Variants in EFHD1 observed in about 807,000 individuals in gnomAD.
EFHD1 encodes EF-hand domain family member D1.
EFHD1 carries 10 observed loss-of-function variants against 17.2 expected under a neutral mutation model. The observed-to-expected ratio is 0.58, with a 90% CI of 0.36 to 0.99. EFHD1 has a LOEUF of 0.99. Among genes scored for constraint, EFHD1 ranks in the 50% least tolerant of loss-of-function variants. EFHD1 has a pLI of 0.01. For missense variants in EFHD1, 310 were observed against 327.5 expected (o/e 0.95, Z 0.41); for synonymous variants, 153 against 142.0 (o/e 1.08, Z -0.55).
At position 232,681,939 on chromosome 2, in the gene EFHD1, C is replaced by A; in HGVS notation, c.*220C>A. The stretch of plus-strand genomic sequence containing the variant: ...GATGCCTGCCCACCTCTGTCTCCTG[C>A]CTCTGCTCCTCTGCCCTTCTTATAG... On this transcript the variant is annotated 3_prime_UTR_variant, in exon 4 of 4. Transcript: ENST00000264059. The A allele has an allele frequency of 1.8e-6, 1 of 546,480 alleles. No individual in the cohort carries two copies. Among genetic ancestry groups the A allele is most frequent in the Non-Finnish European group, 3.1e-6 (1 of 320,460 alleles). 33.9% of individuals were successfully genotyped at this position (546,480 alleles called of 1,614,324 possible).
chr2:232,663,904 C>T (rs1014676517), intron 2 of EFHD1, among the ~76,000 whole-genome samples: 1 of 152,070 alleles, frequency 6.6e-6, no homozygotes, highest in South Asian at 2.1e-4. Flanking sequence ...TTGATCCTCC[C>T]ACCTCAGCCT....
chr2:232,614,074 T>TATACACACATGCACACAC (rs1294288930), intron 1 of EFHD1, among the ~76,000 whole-genome samples: 3 of 28,748 alleles, frequency 1.0e-4, no homozygotes, highest in Middle Eastern at 0.018. Flanking sequence ...GCACACACAT[T>TATACACACATGCACACAC]ATACACACAT....
intron 1 of EFHD1, among the ~76,000 whole-genome samples, chr2:232,620,256 C>T (rs757947847): frequency 2.0e-5 from 3 of 151,636 alleles, no homozygotes; most frequent in Non-Finnish European, 4.4e-5. Flanking sequence ...GGCGCGGTGG[C>T]AGGCACCTGT....
Position 232,633,802 on chromosome 2 carries a change from C to G in EFHD1, c.98C>G (p.Ala33Gly). Residue 33 changes from alanine to glycine, a missense_variant, in exon 1 of 4, where the codon GCC becomes GGC. Transcript: ENST00000264059. ...GPQLAPLGAP[A>G]PEPKPEPEPP... ...CAGCTGGCTCCCCTCGGCGCCCCAG[C>G]CCCGGAGCCCAAGCCCGAGCCCGAG... 6.9e-7 allele frequency: 1 copy of G among 1,459,760 alleles called. No individual in the cohort carries two copies. The allele number at this position is 1,459,760 out of a possible 1,614,324, so 90.4% of individuals were successfully genotyped here.
intron 1 of EFHD1, among the ~76,000 whole-genome samples, chr2:232,623,010 C>G (rs1222028184): frequency 6.6e-6 from 1 of 152,056 alleles, no homozygotes; most frequent in African/African-American, 2.4e-5. Flanking sequence ...CTTTTAAAAG[C>G]ATATGGCCAC....
intron 1 of EFHD1, among the ~76,000 whole-genome samples, chr2:232,613,917 C>G (rs536773292): frequency 1.3e-5 from 2 of 151,736 alleles, no homozygotes; most frequent in East Asian, 1.9e-4. Context: ...TATACACACA[C>G]AAATATATAC....
intron 1 of EFHD1, among the ~76,000 whole-genome samples, chr2:232,616,664 G>A (rs977677206): frequency 2.6e-5 from 4 of 152,152 alleles, no homozygotes; most frequent in Non-Finnish European, 5.9e-5. Flanking sequence ...TAGAATGGTG[G>A]TTGCATAGGG....
chr2:232,664,470 G>T (rs532000484), intron 2 of EFHD1, among the ~76,000 whole-genome samples: 17 of 151,456 alleles, frequency 1.1e-4, no homozygotes, highest in African/African-American at 3.9e-4. Flanking sequence ...AAAAAATTTT[G>T]TGGTTGTTTA....
chr2:232,679,717 TA>T (rs34960766), intron 3 of EFHD1, among the ~76,000 whole-genome samples: 323 of 109,604 alleles, frequency 2.9e-3, no homozygotes, highest in Middle Eastern at 5.5e-3. Context: ...AAGACGTTTC[TA>T]AAAAAAAAAA....
intron 2 of EFHD1, among the ~76,000 whole-genome samples, chr2:232,666,853 C>T (rs1273608209): frequency 6.6e-6 from 1 of 152,150 alleles, no homozygotes; most frequent in African/African-American, 2.4e-5. Flanking sequence ...CTGCTTAAGG[C>T]CCTAGTGGAC....
chr2:232,614,088 T>TAC (rs747749900), intron 1 of EFHD1, among the ~76,000 whole-genome samples: 3 of 45,026 alleles, frequency 6.7e-5, no homozygotes, highest in East Asian at 8.3e-4. Flanking sequence ...CACACATATA[T>TAC]ACACACATAC....
At chr2:232,648,320 T>C (rs775396620) in intron 1 of EFHD1, among the ~76,000 whole-genome samples, 3 of 152,168 alleles carry the variant, frequency 2.0e-5, no homozygotes, top group Non-Finnish European at 4.4e-5. Flanking sequence ...AAAGCTTTTG[T>C]ATCTCTGAGT....
intron 1 of EFHD1, among the ~76,000 whole-genome samples, chr2:232,635,824 G>GA (rs35020517): frequency 0.014 from 1,997 of 145,950 alleles, 48 homozygotes; most frequent in African/African-American, 0.047. Context: ...GTCTCAAGGG[G>GA]AAAAAAAAAA....
chr2:232,665,259 G>A (rs1227368369), intron 2 of EFHD1, among the ~76,000 whole-genome samples: 4 of 152,078 alleles, frequency 2.6e-5, no homozygotes, highest in East Asian at 3.8e-4. Context: ...GGCTAAGAAC[G>A]TCTGAGAAAG....
Position 232,681,864 on chromosome 2 carries a change from T to TC in EFHD1, c.*146dup. ...CCCGTGCCAGCTCCCGTGCCAGCCT[T>TC]CATTCCTCCCAGTGTCCAAGCCCCT... On this transcript the variant is annotated 3_prime_UTR_variant, in exon 4 of 4. Coordinates refer to ENST00000264059, the MANE Select transcript of EFHD1 (RefSeq NM_025202.4). 7.6e-7 allele frequency: 1 copy of TC among 1,309,702 alleles called. No individual in the cohort carries two copies. The highest frequency in any genetic ancestry group is 1.0e-6 in the Non-Finnish European group (1 of 981,154). 81.1% of individuals were successfully genotyped at this position (1,309,702 alleles called of 1,614,324 possible).
chr2:232,609,054 CTTTT>C (rs1244427931), intron 1 of EFHD1, among the ~76,000 whole-genome samples: 1 of 82,258 alleles, frequency 1.2e-5, no homozygotes, highest in Non-Finnish European at 2.1e-5. Flanking sequence ...TGCATAAGTT[CTTTT>C]TTTTTTTTTT....
In EFHD1 at chr2:232,668,876, C is replaced by T. The variant is rs550001341; in HGVS notation, c.451-3433C>T. 2.6e-5 allele frequency among the ~76,000 whole-genome samples: 4 copies of T among 152,152 alleles called. No individual in the cohort carries two copies. In the East Asian group the frequency reaches 5.8e-4, roughly 22 times the overall value. Reference sequence around the variant, plus strand: ...CTCGAACTCCGGACCTCAGGTGATCCGCTCGACTCAGCCTCCCAAAATGCT... The same window carrying T: ...CTCGAACTCCGGACCTCAGGTGATCTGCTCGACTCAGCCTCCCAAAATGCT... On this transcript the variant is annotated intron_variant, in intron 2 of 3. Coordinates refer to ENST00000264059, the MANE Select transcript of EFHD1 (RefSeq NM_025202.4).
intron 1 of EFHD1, among the ~76,000 whole-genome samples, chr2:232,611,304 G>A (rs1046359592): frequency 3.9e-3 from 12 of 3,114 alleles, no homozygotes; most frequent in Non-Finnish European, 4.9e-3. Context: ...GCATCCTGGG[G>A]GTCGGGGGGG....
At position 232,617,959 on chromosome 2, in the gene EFHD1, A is replaced by G. The variant is rs1574701093; in HGVS notation, c.14+11786A>G. Among the ~76,000 whole-genome samples the G allele has an allele frequency of 2.7e-5, 4 of 147,144 alleles. No homozygotes were observed. The South Asian group carries it at 8.6e-4, about 32-fold the overall frequency. ...ACAAGACTCAGTCTAAAAAAAAAAAAGAATATATTCTAAAAACCCTTATAA... is the reference window on the plus strand; with the variant it reads ...ACAAGACTCAGTCTAAAAAAAAAAAGGAATATATTCTAAAAACCCTTATAA... On this transcript the variant is annotated intron_variant, in intron 1 of 3. Coordinates refer to the EFHD1 transcript ENST00000409613.
Sources: allele counts gnomAD v4.1 joint callset (sites outside exome capture counted in the v4.1 genomes callset), GRCh38; gene constraint gnomAD v4.1.1; transcripts MANE v1.5; gene names NCBI Gene and HGNC (gene_info 2026-07-23, HGNC 2026-07-21).